Variants in EEIG1 observed in about 807,000 individuals in gnomAD.
The protein encoded by EEIG1 is early estrogen-induced gene 1 protein.
chr9:127,974,573 C>G, the EEIG1 span, among the ~76,000 whole-genome samples: 1 of 152,196 alleles, frequency 6.6e-6, no homozygotes, highest in Non-Finnish European at 1.5e-5. Context: ...GGACAAGGAC[C>G]ATGCCCAGCC....
chr9:127,941,735 C>CAGAGAGAGAA, the EEIG1 span: 2 of 152,296 alleles, frequency 1.3e-5, no homozygotes, highest in South Asian at 4.1e-4. Flanking sequence ...GCCCCCATCC[C>CAGAGAGAGAA]GGCCCCCCAG....
the EEIG1 span, among the ~76,000 whole-genome samples, chr9:127,945,190 C>A: frequency 6.6e-6 from 1 of 152,154 alleles, no homozygotes; most frequent in Non-Finnish European, 1.5e-5. This position sits in a 1 kb window ranked among gnomAD's most constrained non-coding sequence, Gnocchi z 6.5. Flanking sequence ...ATGAACAGAA[C>A]CTGCTGCACG....
chr9:127,980,625 C>T, the EEIG1 span: 2 of 150,338 alleles, frequency 1.3e-5, no homozygotes, highest in Non-Finnish European at 3.0e-5. Context: ...GGTGCCCTCG[C>T]CGCTCACGCC....
chr9:127,962,863 G>C, the EEIG1 span, among the ~76,000 whole-genome samples: 2 of 151,982 alleles, frequency 1.3e-5, no homozygotes, highest in Admixed American at 6.6e-5. Context: ...ACCCCACCTT[G>C]ATTAAAAAAG....
the EEIG1 span, among the ~76,000 whole-genome samples, chr9:127,970,214 A>C: frequency 1.3e-5 from 2 of 152,102 alleles, no homozygotes; most frequent in Admixed American, 6.5e-5. Context: ...CCCGAGTTCA[A>C]GTGATTCTCC....
chr9:127,950,568 G>T, the EEIG1 span: 8 of 1,607,460 alleles, frequency 5.0e-6, no homozygotes, highest in South Asian at 4.4e-5. Flanking sequence ...GTGTGGGAGG[G>T]CTGAGGGAGT....
the EEIG1 span, among the ~76,000 whole-genome samples, chr9:127,960,024 T>C: frequency 6.6e-6 from 1 of 152,198 alleles, no homozygotes; most frequent in Non-Finnish European, 1.5e-5. Flanking sequence ...GTGAATTATA[T>C]CTCAATAAAG....
At chr9:127,960,732 G>A in the EEIG1 span, among the ~76,000 whole-genome samples, 4 of 152,136 alleles carry the variant, frequency 2.6e-5, no homozygotes, top group African/African-American at 9.7e-5. Context: ...TTTGCTGTGG[G>A]AACGCCAGCC....
At chr9:127,959,754 C>T in the EEIG1 span, among the ~76,000 whole-genome samples, 2 of 152,190 alleles carry the variant, frequency 1.3e-5, no homozygotes, top group African/African-American at 4.8e-5. Context: ...TTCCTGAGGC[C>T]TCGGCACCCA....
the EEIG1 span, among the ~76,000 whole-genome samples, chr9:127,960,602 G>C: frequency 1.3e-5 from 2 of 152,172 alleles, no homozygotes; most frequent in Non-Finnish European, 2.9e-5. Context: ...GCAGCTGCTG[G>C]AGGCCTGGGG....
At chr9:127,976,091 C>T in the EEIG1 span, among the ~76,000 whole-genome samples, 1 of 152,234 alleles carries the variant, frequency 6.6e-6, no homozygotes, top group Non-Finnish European at 1.5e-5. This position sits in a 1 kb window ranked among gnomAD's most constrained non-coding sequence, Gnocchi z 4.1. Flanking sequence ...CTGCTCAGCT[C>T]TGGACTTTCC....
the EEIG1 span, among the ~76,000 whole-genome samples, chr9:127,968,046 T>C: frequency 6.9e-6 from 1 of 145,052 alleles, no homozygotes; most frequent in Non-Finnish European, 1.5e-5. Context: ...ATGATCCTCC[T>C]GCCTCAGCCT....
the EEIG1 span, among the ~76,000 whole-genome samples, chr9:127,977,536 A>C: frequency 6.6e-6 from 1 of 152,248 alleles, no homozygotes; most frequent in East Asian, 1.9e-4. Context: ...CCCCCTGCTG[A>C]CTGGATCTGG....
At chr9:127,959,071 A>G in the EEIG1 span, among the ~76,000 whole-genome samples, 2 of 152,282 alleles carry the variant, frequency 1.3e-5, no homozygotes, top group African/African-American at 4.8e-5. Context: ...AAAATGGTGC[A>G]GCCCCTTTGG....
chr9:127,965,093 A>G, the EEIG1 span, among the ~76,000 whole-genome samples: 1 of 117,016 alleles, frequency 8.5e-6, no homozygotes, highest in Non-Finnish European at 1.6e-5. Context: ...TGGGTGACAG[A>G]GCAAGACTGT....
the EEIG1 span, among the ~76,000 whole-genome samples, chr9:127,964,605 T>C: frequency 6.6e-6 from 1 of 152,230 alleles, no homozygotes. Context: ...AATCCGGGTA[T>C]CACTGGGGCA....
chr9:127,941,964 G>T, the EEIG1 span: 1 of 152,568 alleles, frequency 6.6e-6, no homozygotes. Context: ...GGGACTGGCT[G>T]GCAGCCAGAA....
the EEIG1 span, among the ~76,000 whole-genome samples, chr9:127,964,568 C>T: frequency 2.0e-5 from 3 of 152,262 alleles, no homozygotes; most frequent in Admixed American, 2.0e-4. Context: ...TGGCAACCCT[C>T]ACAGGAGCAG....
At chr9:127,978,884 G>T in the EEIG1 span, among the ~76,000 whole-genome samples, 1 of 152,050 alleles carries the variant, frequency 6.6e-6, no homozygotes, top group African/African-American at 2.4e-5. Context: ...GGGTGTGGTG[G>T]TTGGCACCTG....
Sources: gnomAD v4.1 joint callset for allele counts (sites outside exome capture counted in the v4.1 genomes callset) on GRCh38, gnomAD v4.1.1 for gene constraint, Gnocchi (gnomAD v3.1) non-coding constraint, MANE v1.5 for transcripts, NCBI Gene and HGNC (gene_info 2026-07-23, HGNC 2026-07-21) for gene names.